TFCP2L1: variants seen among roughly 807,000 people sequenced by gnomAD.
TFCP2L1 encodes the protein transcription factor CP2-like protein 1.
A neutral mutation model predicts 72.2 loss-of-function variants in TFCP2L1; 12 were observed. The ratio of observed to expected loss-of-function variants is 0.17; its 90% confidence interval spans 0.11 to 0.27. The LOEUF (loss-of-function observed/expected upper bound fraction) is 0.27, where lower values mean the gene tolerates loss of function less well. Ranked by LOEUF, TFCP2L1 falls within the 10% of genes least tolerant of loss-of-function variation. The pLI, the probability that TFCP2L1 is intolerant of heterozygous loss-of-function variation, is 1.00. For missense variants in TFCP2L1, 488 were observed against 624.6 expected, an observed-to-expected ratio of 0.78 and a Z score of 2.33; for synonymous variants, 260 against 251.0, an observed-to-expected ratio of 1.04 and a Z score of -0.34.
In TFCP2L1 at chr2:121,245,611, C is replaced by T. The variant is rs960042641; in HGVS notation, c.657+1207G>A. On this transcript the variant is annotated intron_variant, in intron 6 of 14. Coordinates refer to ENST00000263707, the MANE Select transcript of TFCP2L1 (RefSeq NM_014553.3). Reference sequence around the variant, plus strand: ...GGGCCTCAGAACCCTGTGCCCACAACGGTCAGGCAGCCCGGCTGTGTGGTC... The same window carrying T: ...GGGCCTCAGAACCCTGTGCCCACAATGGTCAGGCAGCCCGGCTGTGTGGTC... Among the ~76,000 whole-genome samples the T allele has an allele frequency of 5.9e-5, 9 of 152,318 alleles. No individual in the cohort carries two copies. In the South Asian group the frequency reaches 8.3e-4, roughly 14 times the overall value.
Position 121,250,346 on chromosome 2 carries a change from T to TTTTA in TFCP2L1, c.215-700_215-699insTAAA, listed in dbSNP as rs1553433397. 3.4e-3 allele frequency among the ~76,000 whole-genome samples: 486 copies of TTTTA among 142,068 alleles called. 3 individuals are homozygous for TTTTA. The highest frequency in any genetic ancestry group is 0.021 in the East Asian group (89 of 4,304). The allele number at this position is 142,068 out of a possible 152,430, so 93.2% of individuals were successfully genotyped here. A position where few individuals can be genotyped will look rare whatever the true frequency, so the allele number is the denominator to read the frequency against. ...GATACACCATGTTCCCAGAAGACTG[T>TTTTA]TATATATATATATATATACACACAC... is the stretch of plus-strand genomic sequence containing the variant. On this transcript the variant is annotated intron_variant, in intron 2 of 14. Coordinates refer to ENST00000263707, the MANE Select transcript of TFCP2L1 (RefSeq NM_014553.3).
In TFCP2L1 at chr2:121,235,220, C is replaced by A; in HGVS notation, c.1094+1G>T. The stretch of plus-strand genomic sequence containing the variant: ...GGCTTCACAGAGAAACCAACACCTA[C>A]CGGCCTTTGATGGCGTTGAAGAGCC... On this transcript the variant is annotated splice_donor_variant, in intron 11 of 14. Coordinates refer to ENST00000263707, the MANE Select transcript of TFCP2L1 (RefSeq NM_014553.3). LOFTEE classifies it high-confidence loss of function. The A allele has an allele frequency of 6.2e-7, 1 of 1,614,230 alleles. No individual in the cohort carries two copies.
At chr2:121,245,838 C>G (rs899055900) in intron 6 of TFCP2L1, among the ~76,000 whole-genome samples, 1 of 152,160 alleles carries the variant, frequency 6.6e-6, no homozygotes, top group African/African-American at 2.4e-5. Flanking sequence ...ATGGGTCTTC[C>G]ACAGGCCCGT....
intron 6 of TFCP2L1, among the ~76,000 whole-genome samples, chr2:121,244,438 A>C (rs1686441146): frequency 6.6e-6 from 1 of 152,182 alleles, no homozygotes; most frequent in African/African-American, 2.4e-5. Flanking sequence ...GGCAGGTGGA[A>C]GGACACACCT....
intron 2 of TFCP2L1, among the ~76,000 whole-genome samples, chr2:121,269,352 G>A (rs1448496216): frequency 1.3e-5 from 2 of 152,046 alleles, no homozygotes; most frequent in East Asian, 3.9e-4. Flanking sequence ...GGAGGCTAAG[G>A]CAGGAGGATC....
At chr2:121,239,417 G>T in intron 8 of TFCP2L1, 141 bp downstream of exon 8, 1 of 895,870 alleles carries the variant, frequency 1.1e-6, no homozygotes, top group South Asian at 1.5e-5. Flanking sequence ...TGTAAATGCT[G>T]AAGACAGTTG....
At chr2:121,249,451 G>T in intron 3 of TFCP2L1, 120 bp downstream of exon 3, 1 of 892,792 alleles carries the variant, frequency 1.1e-6, no homozygotes, top group Non-Finnish European at 1.8e-6. Context: ...TGAGGGCTGA[G>T]CTGAACCCGG....
intron 2 of TFCP2L1, among the ~76,000 whole-genome samples, chr2:121,262,928 TTTTG>T (rs891406656): frequency 3.1e-4 from 47 of 152,270 alleles, no homozygotes; most frequent in South Asian, 6.2e-4. Context: ...TTTTTCTATA[TTTTG>T]TTTGTTTGTT....
intron 2 of TFCP2L1, among the ~76,000 whole-genome samples, chr2:121,258,454 C>G (rs200585021): frequency 2.0e-5 from 3 of 152,226 alleles, no homozygotes; most frequent in Non-Finnish European, 2.9e-5. Context: ...TCAGCAATCA[C>G]GTTACTACTA....
intron 2 of TFCP2L1, among the ~76,000 whole-genome samples, chr2:121,271,952 A>G (rs1353029964): frequency 6.6e-6 from 1 of 151,982 alleles, no homozygotes; most frequent in African/African-American, 2.4e-5. Flanking sequence ...CCAAGGAGGC[A>G]TTTTCTCCCC....
chr2:121,241,318 ACC>A (rs917226824), intron 7 of TFCP2L1, among the ~76,000 whole-genome samples: 1 of 152,086 alleles, frequency 6.6e-6, no homozygotes, highest in Admixed American at 6.5e-5. Flanking sequence ...ACATGGTGAA[ACC>A]CCGTCTCTAC....
intron 10 of TFCP2L1, among the ~76,000 whole-genome samples, chr2:121,237,272 G>A (rs538608446): frequency 6.6e-6 from 1 of 152,232 alleles, no homozygotes; most frequent in African/African-American, 2.4e-5. Context: ...GTGAGGAGCA[G>A]TATTTGGGTA....
At chr2:121,240,836 G>A (rs538438101) in intron 7 of TFCP2L1, 2 of 762,768 alleles carry the variant, frequency 2.6e-6, no homozygotes, top group African/African-American at 3.8e-5. Context: ...GCGGGCCGTG[G>A]GGGAGGCAGG....
chr2:121,224,544 T>G lies in TFCP2L1; in HGVS notation c.1394-157A>C, dbSNP rs148814302. On this transcript the variant is annotated intron_variant, in intron 14 of 14. Coordinates refer to ENST00000263707, the MANE Select transcript of TFCP2L1 (RefSeq NM_014553.3). ...TGCTGGCAGAAGCAGGGATCTCACA[T>G]GCCCTGACATCTGCCTCGTTTAGTG... Among the ~76,000 whole-genome samples, 617 of 152,314 alleles carry G rather than the reference T, an allele frequency of 4.1e-3. 5 individuals carry two copies. Among genetic ancestry groups the G allele is most frequent in the African/African-American group, 0.014 (596 of 41,560 alleles).
At chr2:121,265,576 C>A (rs751685827) in intron 2 of TFCP2L1, among the ~76,000 whole-genome samples, 6 of 151,790 alleles carry the variant, frequency 4.0e-5, no homozygotes, top group Admixed American at 6.6e-5. Context: ...CTCCACCTCC[C>A]AGGTTTGAGT....
chr2:121,229,732 C>A (rs1444564051), intron 13 of TFCP2L1, among the ~76,000 whole-genome samples: 3 of 152,218 alleles, frequency 2.0e-5, no homozygotes, highest in African/African-American at 7.2e-5. Flanking sequence ...TACAGTCTGA[C>A]AGGTATATGC....
chr2:121,270,025 A>T (rs1172213184), intron 2 of TFCP2L1, among the ~76,000 whole-genome samples: 2 of 151,954 alleles, frequency 1.3e-5, no homozygotes, highest in African/African-American at 4.8e-5. Context: ...TCCCAAATAT[A>T]CAAGCAGCTC....
chr2:121,223,952 TG>T lies in TFCP2L1; in HGVS notation c.*388del, dbSNP rs1334679580. The T allele has an allele frequency of 3.1e-5, 6 of 195,718 alleles. No individual in the cohort carries two copies. Among genetic ancestry groups the T allele is most frequent in the African/African-American group, 4.6e-5 (2 of 43,168 alleles). 12.1% of individuals were successfully genotyped at this position (195,718 alleles called of 1,614,324 possible). On this transcript the variant is annotated 3_prime_UTR_variant, in exon 15 of 15. Coordinates refer to ENST00000263707, the MANE Select transcript of TFCP2L1 (RefSeq NM_014553.3). ...TTCCAGGGTGAAGCAGAGCTTTCTC[TG>T]GAGGCAGGAGAGTGGTCAGAAGGGA...
rs1201457571 is a variant in TFCP2L1, at chr2:121,241,132, C to A, written c.768+1227G>T. Among the ~76,000 whole-genome samples, 3 of 152,172 alleles carry A rather than the reference C, an allele frequency of 2.0e-5. No homozygotes were observed. In the South Asian group the frequency reaches 6.2e-4, roughly 32 times the overall value. On this transcript the variant is annotated intron_variant, in intron 7 of 14. Coordinates refer to ENST00000263707, the MANE Select transcript of TFCP2L1 (RefSeq NM_014553.3). ...CACCACCAATCAGTCAGCCTGACTG[C>A]AGAACACAGTGGGAAAGAGTTGCAC...
Sources: gnomAD v4.1 joint callset for allele counts (sites outside exome capture counted in the v4.1 genomes callset) on GRCh38, gnomAD v4.1.1 for gene constraint, MANE v1.5 for transcripts, NCBI Gene and HGNC (gene_info 2026-07-23, HGNC 2026-07-21) for gene names.